The following CAMTA2 variants were observed in gnomAD, a reference collection of about 807,000 sequenced individuals.
CAMTA2 encodes calmodulin-binding transcription activator 2.
CAMTA2 carries 56 observed loss-of-function variants against 135.7 expected under a neutral mutation model. The observed-to-expected ratio is 0.41, with a 90% CI of 0.33 to 0.52. The LOEUF (loss-of-function observed/expected upper bound fraction) is 0.52. CAMTA2 is among the 20% of genes least tolerant of loss of function. The probability of loss-of-function intolerance (pLI) is 0.16; values close to 1 mark genes in which losing one functional copy is unlikely to be tolerated. For synonymous variants in CAMTA2, 591 were observed against 604.6 expected, an observed-to-expected ratio of 0.98 and a Z score of 0.33; for missense variants, 1,358 against 1,553.4, an observed-to-expected ratio of 0.87 and a Z score of 2.11.
At chr17:4,981,629 C>T (rs753501643) in intron 7 of CAMTA2, 49 bp downstream of exon 7, 2 of 1,531,956 alleles carry the variant, frequency 1.3e-6, no homozygotes, top group Admixed American at 4.2e-5. Flanking sequence ...CTCTGGGAGC[C>T]CTGTTTCTAC....
chr17:4,979,824 G>A lies in CAMTA2; in HGVS notation c.1498C>T (p.Pro500Ser), dbSNP rs760979122. 2 of 1,613,614 alleles carry A rather than the reference G, an allele frequency of 1.2e-6. No individual in the cohort carries two copies. The highest frequency in any genetic ancestry group is 1.7e-6 in the Non-Finnish European group (2 of 1,179,942). Residue 500 changes from proline (P) to serine (S), a missense_variant, in exon 9 of 23, where the codon CCC becomes TCC. Physicochemically the swap from Pro to Ser is moderately conservative, Grantham distance 74. Coordinates refer to ENST00000348066, the MANE Select transcript of CAMTA2 (RefSeq NM_015099.4). ...GGPVGASELE[P>S]FSLSSFPDLM... ...TCTGGGAATGATGAAAGACTGAAGG[G>A]CTCCAGTTCACTGGCCCCAACAGGT...
rs1283985178 is a variant in CAMTA2 at position 4,977,103 on chromosome 17, A to G, written c.1855T>C (p.Phe619Leu). ...AGTTGAGTACTAGGCAGAGACAGGA[A>G]TCGGCGGGCTCGATACTCAAAGAGC... ...SVLFEYRARR[F>L]LSLPSTQLDW... Residue 619 changes from phenylalanine to leucine, a missense_variant, in exon 11 of 23, where the codon TTC (phenylalanine) becomes CTC (leucine). Coordinates refer to ENST00000348066, the MANE Select transcript of CAMTA2 (RefSeq NM_015099.4). 2 of 1,614,142 alleles carry G rather than the reference A, an allele frequency of 1.2e-6. No individual in the cohort carries two copies. Among genetic ancestry groups the G allele is most frequent in the East Asian group, 2.2e-5 (1 of 44,876 alleles).
intron 14 of CAMTA2, 42 bp from the exon 15 acceptor site, chr17:4,973,033 G>T: frequency 6.5e-7 from 1 of 1,549,662 alleles, no homozygotes; most frequent in Non-Finnish European, 8.9e-7. Context: ...AGGTGGAGGT[G>T]AGGCCAGGGG....
intron 17 of CAMTA2, 120 bp downstream of exon 17, chr17:4,970,220 C>A: frequency 7.1e-7 from 1 of 1,407,528 alleles, no homozygotes; most frequent in Admixed American, 1.8e-5. Context: ...CAGTTCAGTT[C>A]GCTTCTCCAA....
chr17:4,968,449 A>C lies in CAMTA2; in HGVS notation c.*307T>G, dbSNP rs1049001571. ...AATAAGGCAAGTCAGGAGGGGGCCG[A>C]GTCGGGTGCAGGCAGGAGGAGCTGG... On this transcript the variant is annotated 3_prime_UTR_variant, in exon 23 of 23. Coordinates refer to ENST00000348066, the MANE Select transcript of CAMTA2 (RefSeq NM_015099.4). 1 of 517,872 alleles carries C rather than the reference A, an allele frequency of 1.9e-6. No homozygotes were observed. The highest frequency in any genetic ancestry group is 3.5e-6 in the Non-Finnish European group (1 of 288,624). 32.1% of individuals were successfully genotyped at this position (517,872 alleles called of 1,614,324 possible).
intron 9 of CAMTA2, 121 bp downstream of exon 9, chr17:4,979,561 AAG>A (rs1972832538): frequency 1.6e-6 from 1 of 625,286 alleles, no homozygotes; most frequent in South Asian, 2.2e-5. Flanking sequence ...TAAGAAGCCT[AAG>A]AAGCCATGAA....
At chr17:4,975,944 T>C (rs1972586259) in intron 11 of CAMTA2, among the ~76,000 whole-genome samples, 1 of 152,164 alleles carries the variant, frequency 6.6e-6, no homozygotes, top group Non-Finnish European at 1.5e-5. Context: ...TGTGCCTCTA[T>C]GTTTGTGTTA....
chr17:4,972,465 C>T lies in CAMTA2; in HGVS notation c.2575G>A (p.Ala859Thr). 6.2e-7 allele frequency: 1 copy of T among 1,613,190 alleles called. No individual in the cohort carries two copies. The highest frequency in any genetic ancestry group is 8.5e-7 in the Non-Finnish European group (1 of 1,179,648). The change falls in exon 16 of 23, where the codon GCC (alanine) becomes ACC (threonine). Residue 859 changes from alanine (A) to threonine (T), a missense_variant. This residue lies in a region of CAMTA2 where 1,077 missense variants were observed against 1,127.5 expected (regional missense o/e 0.96). Coordinates refer to ENST00000348066, the MANE Select transcript of CAMTA2 (RefSeq NM_015099.4). ...GCAGGGGGGGGACTGCCATCTGGGG[C>T]ACTAGAATAGGCTGACGTGACGGAA... The part of the protein sequence containing the change: ...TFSVTSAYSS[A>T]PDGSPPPAPL...
Position 4,987,640 on chromosome 17 carries a change from A to T in CAMTA2, c.-112T>A. 1 of 1,522,438 alleles carries T rather than the reference A, an allele frequency of 6.6e-7. No homozygotes were observed. The highest frequency in any genetic ancestry group is 8.8e-7 in the Non-Finnish European group (1 of 1,140,482). The allele number at this position is 1,522,438 out of a possible 1,614,324, so 94.3% of individuals were successfully genotyped here. A position where few individuals can be genotyped will look rare whatever the true frequency, so the allele number is the denominator to read the frequency against. On this transcript the variant is annotated 5_prime_UTR_variant, in exon 1 of 23. Coordinates refer to ENST00000348066, the MANE Select transcript of CAMTA2 (RefSeq NM_015099.4). The stretch of plus-strand genomic sequence containing the variant: ...GGCGGCAGCGGCCATTCTACCCCAC[A>T]CCGACCCCCCCCAGCGCCGGCTGAC...
rs143019829 is a variant in CAMTA2 at position 4,968,318 on chromosome 17, C to T, written c.*438G>A. 2.2e-3 allele frequency: 586 copies of T among 268,088 alleles called. 3 individuals are homozygous for T. Among genetic ancestry groups the T allele is most frequent in the Non-Finnish European group, 3.5e-3 (478 of 137,784 alleles). The allele number at this position is 268,088 out of a possible 1,614,324, so 16.6% of individuals were successfully genotyped here. On this transcript the variant is annotated 3_prime_UTR_variant, in exon 23 of 23. Coordinates refer to ENST00000348066, the MANE Select transcript of CAMTA2 (RefSeq NM_015099.4). The stretch of plus-strand genomic sequence containing the variant: ...GAGGGAGGAAACAGACGCAAACATG[C>T]GGAGTCGGGTGGGGACACGGTCAGC...
rs1407053595 is a variant in CAMTA2 at position 4,968,888 on chromosome 17, G to T, written c.3545+19C>A. 1 of 1,613,912 alleles carries T rather than the reference G, an allele frequency of 6.2e-7. No homozygotes were observed. The highest frequency in any genetic ancestry group is 8.5e-7 in the Non-Finnish European group (1 of 1,179,756). On this transcript the variant is annotated intron_variant, in intron 22 of 22. Transcript: ENST00000348066. ...GACGGGTGGCAACGCAAAAGCCCAG[G>T]GGGAGAAGGGATGAGTACCTGTGTC...
intron 16 of CAMTA2, among the ~76,000 whole-genome samples, chr17:4,970,893 G>A (rs1335430427): frequency 6.6e-6 from 1 of 152,150 alleles, no homozygotes; most frequent in Non-Finnish European, 1.5e-5. Context: ...CCCACCCCCA[G>A]CTCCCTTTCA....
chr17:4,984,595 C>T (rs1973152364), intron 3 of CAMTA2, among the ~76,000 whole-genome samples: 1 of 152,214 alleles, frequency 6.6e-6, no homozygotes, highest in Non-Finnish European at 1.5e-5. Flanking sequence ...TACTGACAGT[C>T]CTCTTCTGAC....
Position 4,969,846 on chromosome 17 carries a change from C to A in CAMTA2, c.3189+56G>T. The A allele has an allele frequency of 6.3e-7, 1 of 1,592,468 alleles. No individual in the cohort carries two copies. The highest frequency in any genetic ancestry group is 8.6e-7 in the Non-Finnish European group (1 of 1,162,424). The stretch of plus-strand genomic sequence containing the variant: ...ACTCATCCTCCAAAAGCCCTGGGAG[C>A]CCAGTCTCCCCTGACTGGAGATTGT... On this transcript the variant is annotated intron_variant, in intron 18 of 22. Coordinates refer to ENST00000348066, the MANE Select transcript of CAMTA2 (RefSeq NM_015099.4). The surrounding 1 kb of genome is among the most constrained non-coding windows in gnomAD (Gnocchi z 5.6).
At chr17:4,984,966 G>A (rs1277806135) in intron 3 of CAMTA2, among the ~76,000 whole-genome samples, 1 of 150,000 alleles carries the variant, frequency 6.7e-6, no homozygotes, top group East Asian at 2.0e-4. Flanking sequence ...GCAGTGAGCC[G>A]AGATCGCGCC....
At position 4,987,674 on chromosome 17, in the gene CAMTA2, CT is replaced by C. The variant is rs1973455338; in HGVS notation, c.-147del. ...CCCCAGCGCCGGCTGACAGCGGCGT[CT>C]AACGTCACTGCGCACGGGGCGGGGC... On this transcript the variant is annotated 5_prime_UTR_variant, in exon 1 of 23. Coordinates refer to ENST00000348066, the MANE Select transcript of CAMTA2 (RefSeq NM_015099.4). The C allele has an allele frequency of 1.3e-6, 2 of 1,507,664 alleles. No individual in the cohort carries two copies. Among genetic ancestry groups the C allele is most frequent in the Middle Eastern group, 1.7e-4 (1 of 5,904 alleles). 93.4% of individuals were successfully genotyped at this position (1,507,664 alleles called of 1,614,324 possible). A position where few individuals can be genotyped will look rare whatever the true frequency, so the allele number is the denominator to read the frequency against.
chr17:4,970,853 C>A (rs1243683247), intron 16 of CAMTA2, among the ~76,000 whole-genome samples: 1 of 152,218 alleles, frequency 6.6e-6, no homozygotes, highest in African/African-American at 2.4e-5. Flanking sequence ...GCCAGCTGAC[C>A]AGCACATGCT....
chr17:4,975,175 G>A lies in CAMTA2; in HGVS notation c.1901-675C>T, dbSNP rs138992447. Among the ~76,000 whole-genome samples the A allele has an allele frequency of 3.2e-3, 489 of 152,274 alleles. 2 individuals carry two copies. Among genetic ancestry groups the A allele is most frequent in the African/African-American group, 0.011 (449 of 41,536 alleles). On this transcript the variant is annotated intron_variant, in intron 11 of 22. Coordinates refer to ENST00000348066, the MANE Select transcript of CAMTA2 (RefSeq NM_015099.4). ...AAACAAGGACAAGAAGGGGAGGCAG[G>A]AGGGGATCAGAGCTGTAGGAAAACA...
In CAMTA2 at chr17:4,969,541, G is replaced by A. The variant is rs1431895693; in HGVS notation, c.3262-21C>T. 8 of 1,614,152 alleles carry A rather than the reference G, an allele frequency of 5.0e-6. No homozygotes were observed. In the East Asian group the frequency reaches 1.8e-4, roughly 36 times the overall value. ...GTCAGCTTGTGGAGAGAGAAGGGGA[G>A]TTAGGGCTCTGGCAACATTCTGGAA... On this transcript the variant is annotated intron_variant, in intron 19 of 22. Transcript: ENST00000348066. The surrounding 1 kb of genome is among the most constrained non-coding windows in gnomAD (Gnocchi z 5.6).
Sources: gnomAD v4.1 joint callset for allele counts (sites outside exome capture counted in the v4.1 genomes callset) on GRCh38, gnomAD v4.1.1 for gene constraint, gnomAD v4.1.1 regional missense constraint, Gnocchi (gnomAD v3.1) non-coding constraint, MANE v1.5 for transcripts, NCBI Gene and HGNC (gene_info 2026-07-23, HGNC 2026-07-21) for gene names.